The following SOX5 variants were observed in gnomAD, a reference collection of about 807,000 sequenced individuals.
The protein encoded by SOX5 is transcription factor SOX-5.
SOX5 carries 9 observed loss-of-function variants against 92.0 expected under a neutral mutation model. The observed-to-expected ratio is 0.10, with a 90% CI of 0.06 to 0.17. SOX5 has a LOEUF of 0.17. SOX5 is among the 10% of genes least tolerant of loss of function. The pLI, the probability that SOX5 is intolerant of heterozygous loss-of-function variation, is 1.00. For synonymous variants in SOX5, 344 were observed against 336.3 expected, an observed-to-expected ratio of 1.02 and a Z score of -0.25; for missense variants, 642 against 944.5, an observed-to-expected ratio of 0.68 and a Z score of 4.20.
At chr12:23,654,662 T>C (rs1006355661) in intron 7 of SOX5, among the ~76,000 whole-genome samples, 5 of 152,108 alleles carry the variant, frequency 3.3e-5, no homozygotes, top group East Asian at 1.9e-4. Context: ...GAACAAGTGA[T>C]TTGCTATACA....
intron 4 of SOX5, among the ~76,000 whole-genome samples, chr12:24,087,977 C>T (rs2137720152): frequency 6.6e-6 from 1 of 152,104 alleles, no homozygotes; most frequent in Non-Finnish European, 1.5e-5. Context: ...CAACATTCTT[C>T]CAACTAGTGA....
intron 2 of SOX5, among the ~76,000 whole-genome samples, chr12:24,299,767 G>A (rs570288369): frequency 9.2e-5 from 14 of 152,184 alleles, no homozygotes; most frequent in African/African-American, 2.9e-4. Flanking sequence ...CTACGCCAAC[G>A]AAGTGATCCG....
chr12:24,522,726 GACA>G (rs1950368918), intron 1 of SOX5, among the ~76,000 whole-genome samples: 1 of 152,028 alleles, frequency 6.6e-6, no homozygotes, highest in South Asian at 2.1e-4. Flanking sequence ...ACCCTTTCAT[GACA>G]ACAACTGTCA....
At chr12:24,244,182 T>G (rs2140094526) in intron 3 of SOX5, among the ~76,000 whole-genome samples, 1 of 152,340 alleles carries the variant, frequency 6.6e-6, no homozygotes, top group Middle Eastern at 3.4e-3. Flanking sequence ...TTCTATAACT[T>G]TGAGCCTATC....
chr12:24,321,060 A>G (rs1226846147), intron 2 of SOX5, among the ~76,000 whole-genome samples: 2 of 152,120 alleles, frequency 1.3e-5, no homozygotes, highest in East Asian at 3.8e-4. Context: ...AGGCATCCAC[A>G]TTTCCTTTCC....
At chr12:23,658,564 G>C (rs1390090120) in intron 7 of SOX5, among the ~76,000 whole-genome samples, 1 of 152,148 alleles carries the variant, frequency 6.6e-6, no homozygotes, top group Non-Finnish European at 1.5e-5. Context: ...GCAGAGGAGA[G>C]GGGAAGAGCT....
At chr12:24,528,037 C>G (rs1352080934) in intron 1 of SOX5, among the ~76,000 whole-genome samples, 1 of 152,196 alleles carries the variant, frequency 6.6e-6, no homozygotes, top group Admixed American at 6.5e-5. Context: ...TCACACACTT[C>G]CATAAATGCA....
chr12:24,188,065 A>T (rs1956187100), intron 4 of SOX5, among the ~76,000 whole-genome samples: 1 of 152,186 alleles, frequency 6.6e-6, no homozygotes, highest in African/African-American at 2.4e-5. Flanking sequence ...AGTGCAACTC[A>T]ATGGGAAGTT....
intron 1 of SOX5, among the ~76,000 whole-genome samples, chr12:23,906,209 C>A (rs546654032): frequency 7.2e-4 from 109 of 152,300 alleles, no homozygotes; most frequent in African/African-American, 2.5e-3. Context: ...CTTCAGCCAT[C>A]TACAGGTTAA....
chr12:24,439,664 G>A (rs558062019), intron 1 of SOX5, among the ~76,000 whole-genome samples: 47 of 152,304 alleles, frequency 3.1e-4, no homozygotes, highest in Non-Finnish European at 5.3e-4. Flanking sequence ...GGAGGCCAAC[G>A]CGGGTGGAGG....
chr12:23,810,536 G>A (rs1384361436), intron 3 of SOX5, among the ~76,000 whole-genome samples: 2 of 152,108 alleles, frequency 1.3e-5, no homozygotes, highest in South Asian at 2.1e-4. Flanking sequence ...ATCAAAAGTA[G>A]ATAACACCTG....
At chr12:23,820,064 C>T (rs1014196917) in intron 3 of SOX5, among the ~76,000 whole-genome samples, 22 of 152,164 alleles carry the variant, frequency 1.4e-4, no homozygotes, top group African/African-American at 5.1e-4. Context: ...AAAAGCGTTC[C>T]TATTTCTCCA....
chr12:23,999,656 A>G (rs950911059), intron 4 of SOX5, among the ~76,000 whole-genome samples: 1 of 152,118 alleles, frequency 6.6e-6, no homozygotes, highest in African/African-American at 2.4e-5. Flanking sequence ...AAAGTCTTTT[A>G]CTTTAAAAAA....
intron 2 of SOX5, among the ~76,000 whole-genome samples, chr12:24,339,163 C>CCCCCCACACACACACA (rs141671017): frequency 1.4e-5 from 2 of 140,382 alleles, no homozygotes; most frequent in Non-Finnish European, 1.5e-5. Flanking sequence ...TCTCTCTCTG[C>CCCCCCACACACACACA]CACACACACA....
At chr12:24,193,647 G>A (rs1956738039) in intron 4 of SOX5, among the ~76,000 whole-genome samples, 1 of 152,110 alleles carries the variant, frequency 6.6e-6, no homozygotes, top group Non-Finnish European at 1.5e-5. Context: ...TAATGAATTT[G>A]TACATATCAG....
intron 7 of SOX5, among the ~76,000 whole-genome samples, chr12:23,647,350 T>C (rs2081000324): frequency 6.6e-6 from 1 of 152,172 alleles, no homozygotes; most frequent in Admixed American, 6.5e-5. Context: ...GCTGTTCCAT[T>C]TATAGAGCAC....
In SOX5 at chr12:23,697,778, T is replaced by C. The variant is rs935102283; in HGVS notation, c.811-32214A>G. On this transcript the variant is annotated intron_variant, in intron 6 of 14. Coordinates refer to ENST00000451604, the MANE Select transcript of SOX5 (RefSeq NM_006940.6). ...ATTGCCCAGGCTGGCCTTGAACTCC[T>C]GACCTCAAGAGATCTGCCTGCCTTG... 2.6e-5 allele frequency among the ~76,000 whole-genome samples: 4 copies of C among 152,290 alleles called. No individual in the cohort carries two copies. The South Asian group carries it at 8.3e-4, about 32-fold the overall frequency.
intron 6 of SOX5, among the ~76,000 whole-genome samples, chr12:23,725,706 A>G (rs2093073400): frequency 2.0e-5 from 3 of 152,196 alleles, no homozygotes; most frequent in African/African-American, 7.2e-5. Flanking sequence ...GACCATTTAG[A>G]CAGTAAGTGT....
intron 4 of SOX5, among the ~76,000 whole-genome samples, chr12:24,021,943 A>T (rs1954340176): frequency 6.6e-6 from 1 of 152,134 alleles, no homozygotes; most frequent in South Asian, 2.1e-4. Flanking sequence ...TATCGAACAT[A>T]TTATTTTCTC....
Sources: allele counts gnomAD v4.1 joint callset (sites outside exome capture counted in the v4.1 genomes callset), GRCh38; gene constraint gnomAD v4.1.1; transcripts MANE v1.5; gene names NCBI Gene and HGNC (gene_info 2026-07-23, HGNC 2026-07-21).